The following STARD5 variants were observed in gnomAD, a reference collection of about 807,000 sequenced individuals.
STARD5 encodes the protein stAR-related lipid transfer protein 5.
In STARD5, 26 loss-of-function variants were observed where a neutral mutation model predicts 24.6. That is an observed-to-expected ratio of 1.06 (90% confidence interval 0.77 to 1.47). The LOEUF (loss-of-function observed/expected upper bound fraction) is 1.47. Ranked by LOEUF, STARD5 falls within the 40% of genes most tolerant of loss-of-function variation. The pLI is 0.00. For synonymous variants in STARD5, 101 were observed against 99.7 expected (o/e 1.01, Z -0.07); for missense variants, 254 against 270.8 (o/e 0.94, Z 0.44).
chr15:81,323,023 C>G, intron 1 of STARD5, 75 bp from the exon 2 acceptor site: 1 of 1,532,392 alleles, frequency 6.5e-7, no homozygotes. Flanking sequence ...CCCTGTTCTA[C>G]AGAAGAGGGG....
chr15:81,313,461 C>T (rs866002728), intron 5 of STARD5, 58 bp from the exon 6 acceptor site: 39 of 1,427,500 alleles, frequency 2.7e-5, no homozygotes, highest in African/African-American at 7.3e-5. Flanking sequence ...TGGGGACGAG[C>T]GCCAGGCAGG....
intron 5 of STARD5, among the ~76,000 whole-genome samples, chr15:81,314,824 T>G (rs1269825973): frequency 7.0e-6 from 1 of 142,554 alleles, no homozygotes; most frequent in Admixed American, 7.5e-5. Context: ...AGGCGGAGGT[T>G]GCAGTGAGCC....
chr15:81,317,945 G>C (rs530738039), intron 5 of STARD5, among the ~76,000 whole-genome samples: 3 of 152,242 alleles, frequency 2.0e-5, no homozygotes, highest in African/African-American at 7.2e-5. Flanking sequence ...ATTCCTTGCC[G>C]AGGAGAGATG....
chr15:81,322,651 G>A, intron 2 of STARD5, 111 bp from the exon 3 acceptor site: 1 of 1,540,918 alleles, frequency 6.5e-7, no homozygotes, highest in African/African-American at 1.4e-5. Flanking sequence ...TACTCTTTAG[G>A]ACAGACTTGC....
At chr15:81,319,237 G>A in intron 4 of STARD5, 102 bp downstream of exon 4, 1 of 1,051,248 alleles carries the variant, frequency 9.5e-7, no homozygotes, top group Non-Finnish European at 1.5e-6. Context: ...GTGAGTTTCT[G>A]GTGATTTCTG....
chr15:81,318,621 C>T, intron 4 of STARD5, 119 bp from the exon 5 acceptor site: 1 of 854,854 alleles, frequency 1.2e-6, no homozygotes, highest in South Asian at 1.6e-5. Context: ...GTGAGGGACT[C>T]CTGCCTCTTG....
rs138188091 is a variant in STARD5, at chr15:81,313,315, G to C, written c.583C>G (p.Arg195Gly). Residue 195 changes from arginine (R) to glycine (G), a missense_variant, in exon 6 of 6, where the codon CGC (arginine) becomes GGC (glycine). By Grantham distance (125) the Arg-to-Gly change is moderately radical. Transcript: ENST00000302824. ...TTGGCATAAAACCGGGTCATGCTGC[G>C]GGGGAAGAAGGAGTCCACCACGTTC... is the stretch of plus-strand genomic sequence containing the variant. Reference protein sequence around the residue: ...PQNVVDSFFPRSMTRFYANLQ... With the variant: ...PQNVVDSFFPGSMTRFYANLQ... The C allele has an allele frequency of 1.3e-6, 2 of 1,578,258 alleles. No individual in the cohort carries two copies. The highest frequency in any genetic ancestry group is 1.4e-5 in the African/African-American group (1 of 73,300).
At chr15:81,322,808 G>A in intron 2 of STARD5, 91 bp downstream of exon 2, 2 of 1,519,066 alleles carry the variant, frequency 1.3e-6, no homozygotes, top group Non-Finnish European at 1.8e-6. Flanking sequence ...CAGGTTATAG[G>A]GTTGATTTGA....
chr15:81,322,462 T>A lies in STARD5; in HGVS notation c.228A>T (p.Arg76=). 4 of 1,614,200 alleles carry A rather than the reference T, an allele frequency of 2.5e-6. No individual in the cohort carries two copies. The highest frequency in any genetic ancestry group is 3.4e-6 in the Non-Finnish European group (4 of 1,180,038). The change falls in exon 3 of 6, where the codon CGA becomes CGT. Residue 76 remains arginine, a synonymous_variant. Transcript: ENST00000302824. Reference sequence around the variant, plus strand: ...CGGTCACATTCTCATCCCACTTCACTCGTAGGCCTCCAACAGCTGGCTTCA... The same window carrying A: ...CGGTCACATTCTCATCCCACTTCACACGTAGGCCTCCAACAGCTGGCTTCA... The part of the protein sequence containing the change: ...DCVKPAVGGL[R]VKWDENVTGF...
At position 81,313,160 on chromosome 15, in the gene STARD5, C is replaced by T. The variant is rs920723924; in HGVS notation, c.*96G>A. On this transcript the variant is annotated 3_prime_UTR_variant, in exon 6 of 6. Coordinates refer to ENST00000302824, the MANE Select transcript of STARD5 (RefSeq NM_181900.3). ...CCATCAGCTTGTTCCAAAGAGTGAA[C>T]ACAGGCCTCTGCGTGCTCCCAGGCT... 2 of 1,384,228 alleles carry T rather than the reference C, an allele frequency of 1.4e-6. No homozygotes were observed. The highest frequency in any genetic ancestry group is 3.0e-5 in the African/African-American group (2 of 66,930). The allele number at this position is 1,384,228 out of a possible 1,614,324, so 85.7% of individuals were successfully genotyped here.
At position 81,311,990 on chromosome 15, in the gene STARD5, C is replaced by T. The variant is rs1224644903; in HGVS notation, c.*1266G>A. The T allele has an allele frequency of 6.6e-6, 1 of 152,180 alleles. No homozygotes were observed. The highest frequency in any genetic ancestry group is 2.4e-5 in the African/African-American group (1 of 41,432). 9.4% of individuals were successfully genotyped at this position (152,180 alleles called of 1,614,324 possible). A position where few individuals can be genotyped will look rare whatever the true frequency, so the allele number is the denominator to read the frequency against. On this transcript the variant is annotated 3_prime_UTR_variant, in exon 6 of 6. Transcript: ENST00000302824. ...CTCAAAAATAGGGAAGTAACAGTAA[C>T]GCAGGGGAAACGTTTTCTGTTTGGA...
Position 81,312,038 on chromosome 15 carries a change from TGAAAACATTTTGC to T in STARD5, c.*1205_*1217del, listed in dbSNP as rs1292253924. ...GGAGGAGCAAAGGCTGAGAACACTG[TGAAAACATTTTGC>T]GCGCACAATAGTAACCTGGGTAAAT... is the stretch of plus-strand genomic sequence containing the variant. On this transcript the variant is annotated 3_prime_UTR_variant, in exon 6 of 6. Coordinates refer to ENST00000302824, the MANE Select transcript of STARD5 (RefSeq NM_181900.3). The T allele has an allele frequency of 6.6e-6, 1 of 152,124 alleles. No homozygotes were observed. The highest frequency in any genetic ancestry group is 1.5e-5 in the Non-Finnish European group (1 of 67,984). 9.4% of individuals were successfully genotyped at this position (152,124 alleles called of 1,614,324 possible). A position where few individuals can be genotyped will look rare whatever the true frequency, so the allele number is the denominator to read the frequency against.
chr15:81,322,438 G>C lies in STARD5; in HGVS notation c.252C>G (p.Thr84=). 1 of 1,614,148 alleles carries C rather than the reference G, an allele frequency of 6.2e-7. No homozygotes were observed. Among genetic ancestry groups the C allele is most frequent in the South Asian group, 1.1e-5 (1 of 91,090 alleles). Residue 84 remains threonine (T), a synonymous_variant, in exon 3 of 6, where the codon ACC becomes ACG. Coordinates refer to ENST00000302824, the MANE Select transcript of STARD5 (RefSeq NM_181900.3). ...TGATGCTTTGGATAATTTCAAAACC[G>C]GTCACATTCTCATCCCACTTCACTC... is the stretch of plus-strand genomic sequence containing the variant. ...GLRVKWDENV[T]GFEIIQSITD...
chr15:81,324,030 T>G lies in STARD5; in HGVS notation c.70A>C (p.Thr24Pro), dbSNP rs756725669. ...TCCCGGCAAATCTTCCAGCCTGCTGTGTCCCGCCGGTACTGGAGCATCTTC... is the reference window on the plus strand; with the variant it reads ...TCCCGGCAAATCTTCCAGCCTGCTGGGTCCCGCCGGTACTGGAGCATCTTC... ...AEKMLQYRRD[T>P]AGWKICREGN... The change falls in exon 1 of 6, where the codon ACA becomes CCA. Residue 24 changes from threonine to proline, a missense_variant. Transcript: ENST00000302824. The G allele has an allele frequency of 8.7e-6, 14 of 1,604,038 alleles. No homozygotes were observed. In the African/African-American group the frequency reaches 1.6e-4, roughly 18 times the overall value.
At chr15:81,321,229 C>T (rs997893919) in intron 3 of STARD5, among the ~76,000 whole-genome samples, 5 of 152,162 alleles carry the variant, frequency 3.3e-5, no homozygotes, top group Non-Finnish European at 7.3e-5. Flanking sequence ...AAATGTTTTA[C>T]TTGTCACGTT....
intron 1 of STARD5, 190 bp from the exon 2 acceptor site, chr15:81,323,138 G>A (rs1156796283): frequency 1.6e-6 from 1 of 612,612 alleles, no homozygotes; most frequent in Admixed American, 3.0e-5. Flanking sequence ...ATGTGATGAA[G>A]AAAAAGATCT....
At position 81,313,435 on chromosome 15, in the gene STARD5, T is replaced by C. The variant is rs748352965; in HGVS notation, c.495-32A>G. On this transcript the variant is annotated intron_variant, in intron 5 of 5. Transcript: ENST00000302824. The stretch of plus-strand genomic sequence containing the variant: ...AGGCAACAGCAGAGCTGTGTTATGA[T>C]CTGCAGCAGAGGTGCTGGGGACGAG... 3 of 1,476,058 alleles carry C rather than the reference T, an allele frequency of 2.0e-6. No individual in the cohort carries two copies. The South Asian group carries it at 4.3e-5, about 21-fold the overall frequency. 91.4% of individuals were successfully genotyped at this position (1,476,058 alleles called of 1,614,324 possible).
At chr15:81,322,328 C>G in intron 3 of STARD5, 80 bp downstream of exon 3, 2 of 1,570,214 alleles carry the variant, frequency 1.3e-6, no homozygotes, top group Non-Finnish European at 1.7e-6. Flanking sequence ...TATCACGGAC[C>G]CCTTCCAGAA....
intron 3 of STARD5, among the ~76,000 whole-genome samples, chr15:81,321,940 T>C (rs1204003295): frequency 2.0e-5 from 3 of 152,254 alleles, no homozygotes; most frequent in Non-Finnish European, 2.9e-5. Flanking sequence ...GAAAATTTAG[T>C]TGTAAACTAA....
Sources: allele counts gnomAD v4.1 joint callset (sites outside exome capture counted in the v4.1 genomes callset), GRCh38; gene constraint gnomAD v4.1.1; transcripts MANE v1.5; gene names NCBI Gene and HGNC (gene_info 2026-07-23, HGNC 2026-07-21).